Variants in CDH23 observed in about 807,000 individuals in gnomAD.
CDH23 encodes cadherin-23.
Under a neutral mutation model 317.1 loss-of-function variants are expected in CDH23, and 189 were observed. The observed-to-expected ratio is 0.60, with a 90% CI of 0.53 to 0.67. The LOEUF (loss-of-function observed/expected upper bound fraction) is 0.67. Among genes scored for constraint, CDH23 ranks in the 30% least tolerant of loss-of-function variants. CDH23 has a pLI of 0.00. For missense variants in CDH23, 4,401 were observed against 4,592.4 expected (o/e 0.96, Z 1.20); for synonymous variants, 1,839 against 1,876.8 (o/e 0.98, Z 0.52).
intron 9 of CDH23, among the ~76,000 whole-genome samples, chr10:71,592,587 C>G (rs925785352): frequency 1.4e-4 from 22 of 152,268 alleles, no homozygotes; most frequent in Non-Finnish European, 2.9e-4. Flanking sequence ...GCCTTGTCCT[C>G]TCCTGTAGTC....
chr10:71,599,220 CTTGT>C (rs1439684447), intron 9 of CDH23, among the ~76,000 whole-genome samples: 4 of 152,054 alleles, frequency 2.6e-5, no homozygotes, highest in African/African-American at 9.7e-5. Context: ...TCTTTTTGTT[CTTGT>C]TTAAGAAAGG....
rs1358955669 is a variant in CDH23 at position 71,801,140 on chromosome 10, C to CTT, written c.7482+386_7482+387insTT. On this transcript the variant is annotated intron_variant, in intron 53 of 69. Coordinates refer to ENST00000224721, the MANE Select transcript of CDH23 (RefSeq NM_022124.6). The stretch of plus-strand genomic sequence containing the variant: ...ATAAAGGAATCATCTTTATTTATGT[C>CTT]TCTCTCTCTCTTTTTTTTTTTTTTT... Among the ~76,000 whole-genome samples the CTT allele has an allele frequency of 3.8e-5, 5 of 131,926 alleles. No homozygotes were observed. In the East Asian group the frequency reaches 1.2e-3, roughly 32 times the overall value. 86.5% of individuals were successfully genotyped at this position (131,926 alleles called of 152,430 possible). A position where few individuals can be genotyped will look rare whatever the true frequency, so the allele number is the denominator to read the frequency against.
chr10:71,666,569 T>C (rs1863905460), intron 14 of CDH23, among the ~76,000 whole-genome samples: 1 of 152,092 alleles, frequency 6.6e-6, no homozygotes, highest in South Asian at 2.1e-4. Flanking sequence ...CACTTCCTTC[T>C]GAGATGAGAG....
intron 28 of CDH23, among the ~76,000 whole-genome samples, chr10:71,719,071 C>T (rs1032396004): frequency 3.3e-5 from 5 of 151,808 alleles, no homozygotes; most frequent in African/African-American, 1.2e-4. Context: ...GAGCAACACT[C>T]TGTCTCAAAA....
At chr10:71,802,826 C>G (rs1203607448) in intron 53 of CDH23, 72 bp from the exon 54 acceptor site, 11 of 1,524,152 alleles carry the variant, frequency 7.2e-6, no homozygotes, top group Non-Finnish European at 9.9e-6. Flanking sequence ...CAGGCTTACT[C>G]CTGCATGACC....
intron 38 of CDH23, among the ~76,000 whole-genome samples, chr10:71,772,720 G>C (rs1349122342): frequency 6.6e-6 from 1 of 152,226 alleles, no homozygotes; most frequent in Non-Finnish European, 1.5e-5. Flanking sequence ...ACTCCACACT[G>C]GTCCCTGAGT....
At chr10:71,484,153 A>C (rs1852219570) in intron 3 of CDH23, among the ~76,000 whole-genome samples, 1 of 152,198 alleles carries the variant, frequency 6.6e-6, no homozygotes, top group Admixed American at 6.5e-5. Context: ...AGGACGCGAG[A>C]ACAGTCGAGC....
In CDH23 at chr10:71,793,286, C is replaced by G. The variant is rs1457180588; in HGVS notation, c.6358C>G (p.Leu2120Val). ...AGAQDRFLIH[L>V]VTGVIRVGNA... is the part of the protein sequence containing the mutation. ...GGCTCAGGACCGCTTCCTCATTCAT[C>G]TGGTCACCGGGGTCATCCGTGTTGG... Residue 2120 changes from leucine to valine, a missense_variant, in exon 48 of 70, where the codon CTG (leucine) becomes GTG (valine). Physicochemically the swap from Leu to Val is conservative, Grantham distance 32. Coordinates refer to ENST00000224721, the MANE Select transcript of CDH23 (RefSeq NM_022124.6). 1 of 1,614,000 alleles carries G rather than the reference C, an allele frequency of 6.2e-7. No individual in the cohort carries two copies.
intron 30 of CDH23, among the ~76,000 whole-genome samples, chr10:71,727,392 C>T (rs1179944493): frequency 1.3e-5 from 2 of 152,228 alleles, no homozygotes; most frequent in East Asian, 3.8e-4. Context: ...GAGGGCTGGC[C>T]CCTGGGGCAG....
chr10:71,432,471 A>G (rs1187987966), intron 1 of CDH23, among the ~76,000 whole-genome samples: 2 of 135,434 alleles, frequency 1.5e-5, no homozygotes, highest in East Asian at 2.2e-4. Context: ...GTGAGTGTGT[A>G]GGTGTGTGTT....
In CDH23 at chr10:71,676,148, T is replaced by C. The variant is rs185234436; in HGVS notation, c.1514+972T>C. ...GTCTCAAACTCCTGACCTCAGGTGATCCACCCACCTCAGCCTCCCAAGTGC... is the reference window on the plus strand; with the variant it reads ...GTCTCAAACTCCTGACCTCAGGTGACCCACCCACCTCAGCCTCCCAAGTGC... On this transcript the variant is annotated intron_variant, in intron 15 of 69. Transcript: ENST00000224721. Among the ~76,000 whole-genome samples the C allele has an allele frequency of 1.4e-3, 217 of 150,708 alleles. 7 individuals are homozygous for C. In the East Asian group the frequency reaches 0.039, roughly 27 times the overall value.
intron 9 of CDH23, among the ~76,000 whole-genome samples, chr10:71,590,393 G>A (rs559057863): frequency 4.6e-5 from 7 of 152,288 alleles, no homozygotes; most frequent in Non-Finnish European, 8.8e-5. Context: ...CAAGGTGGGT[G>A]GAATCAGGCT....
intron 38 of CDH23, chr10:71,760,562 C>T (rs972392561): frequency 3.1e-5 from 9 of 291,068 alleles, no homozygotes; most frequent in Non-Finnish European, 5.9e-5. Flanking sequence ...CAGGGCGGCA[C>T]TTAGCTGCCT....
intron 3 of CDH23, among the ~76,000 whole-genome samples, chr10:71,500,243 C>A (rs901080744): frequency 2.0e-5 from 3 of 152,144 alleles, no homozygotes; most frequent in Non-Finnish European, 2.9e-5. Flanking sequence ...TAAATATGTA[C>A]AATTATTATG....
intron 38 of CDH23, chr10:71,753,956 A>G (rs1319961515): frequency 2.3e-6 from 1 of 443,618 alleles, no homozygotes; most frequent in Non-Finnish European, 4.6e-6. Flanking sequence ...TGTTGGTCCC[A>G]TTTTAGAGCT....
chr10:71,551,735 A>T (rs79419861), intron 6 of CDH23, among the ~76,000 whole-genome samples: 3,621 of 152,260 alleles, frequency 0.024, 196 homozygotes, highest in Admixed American at 0.13. Flanking sequence ...AAGGACCCTC[A>T]GGACCTCTAG....
Position 71,690,462 on chromosome 10 carries a change from CT to C in CDH23, c.2060-5del. The stretch of plus-strand genomic sequence containing the variant: ...ACCCCCTGCCCCCACCTTTTTCCCC[CT>C]GAAGGAGCCACGGTGCTGTTCCTGA... On this transcript the variant is annotated splice_region_variant and splice_polypyrimidine_tract_variant and intron_variant, in intron 19 of 69. Transcript: ENST00000224721. 4 of 1,589,036 alleles carry C rather than the reference CT, an allele frequency of 2.5e-6. No individual in the cohort carries two copies. Among genetic ancestry groups the C allele is most frequent in the Non-Finnish European group, 3.4e-6 (4 of 1,166,954 alleles).
intron 14 of CDH23, among the ~76,000 whole-genome samples, chr10:71,655,349 CT>C (rs796911335): frequency 5.3e-5 from 8 of 152,266 alleles, no homozygotes; most frequent in African/African-American, 1.9e-4. Flanking sequence ...CTCAACACCC[CT>C]CAACCCTCAG....
rs763169442 is a variant in CDH23 at position 71,803,408 on chromosome 10, C to T, written c.7860C>T (p.Leu2620=). 1.3e-6 allele frequency: 2 copies of T among 1,593,622 alleles called. No homozygotes were observed. The highest frequency in any genetic ancestry group is 1.1e-5 in the South Asian group (1 of 87,324). Residue 2620 remains leucine, a synonymous_variant, in exon 55 of 70, where the codon CTC becomes CTT. Transcript: ENST00000224721. ...VFVRPPNGTI[L]HIREEIPLRS... ...TGCGCCCACCCAACGGCACCATCCT[C>T]CACATCAGAGAGGTACTCCTGCCCC... is the stretch of plus-strand genomic sequence containing the variant.
Sources: allele counts gnomAD v4.1 joint callset (sites outside exome capture counted in the v4.1 genomes callset), GRCh38; gene constraint gnomAD v4.1.1; transcripts MANE v1.5; gene names NCBI Gene and HGNC (gene_info 2026-07-23, HGNC 2026-07-21).